The following ETS1 variants were observed in gnomAD, a reference collection of about 807,000 sequenced individuals.
ETS1 encodes the protein protein C-ets-1.
In ETS1, 15 loss-of-function variants were observed where a neutral mutation model predicts 58.6. That is an observed-to-expected ratio of 0.26 (90% CI 0.17 to 0.39). ETS1 has a LOEUF of 0.39. ETS1 is among the 10% of genes least tolerant of loss of function. ETS1 has a pLI of 1.00. For missense variants in ETS1, 417 were observed against 610.5 expected (o/e 0.68, Z 3.34); for synonymous variants, 214 against 218.2 (o/e 0.98, Z 0.17).
At chr11:128,470,213 TAGATCAAAAAC>T (rs1211027569) in intron 8 of ETS1, among the ~76,000 whole-genome samples, 2 of 152,238 alleles carry the variant, frequency 1.3e-5, no homozygotes, top group Non-Finnish European at 2.9e-5. Flanking sequence ...TCTTGCATGT[TAGATCAAAAAC>T]GAAAGGAGGA....
rs1041362097 is a variant in ETS1 at position 128,460,288 on chromosome 11, A to C, written c.*2073T>G. The C allele has an allele frequency of 6.5e-6, 1 of 152,814 alleles. No individual in the cohort carries two copies. The highest frequency in any genetic ancestry group is 2.4e-5 in the African/African-American group (1 of 41,434). The allele number at this position is 152,814 out of a possible 1,614,324, so 9.5% of individuals were successfully genotyped here. On this transcript the variant is annotated 3_prime_UTR_variant, in exon 10 of 10. Transcript: ENST00000392668. ...AGGCACCTGCATCCAAAAGATCAAAATAATACAGCTGGGATAATTCTGCCT... is the reference window on the plus strand; with the variant it reads ...AGGCACCTGCATCCAAAAGATCAAACTAATACAGCTGGGATAATTCTGCCT...
chr11:128,585,168 GA>G (rs1289194108), intron 1 of ETS1, among the ~76,000 whole-genome samples: 92 of 8,382 alleles, frequency 0.011, 5 homozygotes, highest in East Asian at 0.047. Context: ...AAGAAAGAAA[GA>G]GAAAGAAAGA....
intron 3 of ETS1, among the ~76,000 whole-genome samples, chr11:128,530,584 T>C (rs753184051): frequency 1.2e-4 from 19 of 152,094 alleles, no homozygotes; most frequent in Non-Finnish European, 2.2e-4. Flanking sequence ...CTCCCCAGAT[T>C]GGGAAACCAT....
At chr11:128,570,430 C>T (rs1864603203) in intron 2 of ETS1, among the ~76,000 whole-genome samples, 1 of 151,926 alleles carries the variant, frequency 6.6e-6, no homozygotes, top group Non-Finnish European at 1.5e-5. Context: ...TTAGCAGAGA[C>T]TGGGTTTCAT....
chr11:128,484,797 G>A lies in ETS1; in HGVS notation c.862+26C>T, dbSNP rs148705924. ...TCAGGTAATTCTTGTAAACCCAAGA[G>A]CTTTTAGAGAAGAAATATGACCTAC... On this transcript the variant is annotated intron_variant, in intron 7 of 9. Transcript: ENST00000392668. The A allele has an allele frequency of 1.7e-5, 28 of 1,600,404 alleles. No individual in the cohort carries two copies. In the Middle Eastern group the frequency reaches 6.7e-4, roughly 38 times the overall value.
chr11:128,532,005 G>A (rs1863905300), intron 3 of ETS1, among the ~76,000 whole-genome samples: 1 of 152,152 alleles, frequency 6.6e-6, no homozygotes, highest in South Asian at 2.1e-4. Context: ...CCAGCCAACA[G>A]TTCTTGTTGT....
chr11:128,494,925 C>T (rs572842295), intron 3 of ETS1, among the ~76,000 whole-genome samples: 48 of 152,262 alleles, frequency 3.2e-4, no homozygotes, highest in East Asian at 1.7e-3. Flanking sequence ...GGGCCCAACC[C>T]CATCAGATTA....
chr11:128,517,497 C>T (rs1863556724), intron 3 of ETS1, among the ~76,000 whole-genome samples: 1 of 152,222 alleles, frequency 6.6e-6, no homozygotes, highest in Non-Finnish European at 1.5e-5. Flanking sequence ...TTTTATCTGG[C>T]TGTGCCCAGC....
intron 3 of ETS1, among the ~76,000 whole-genome samples, chr11:128,500,425 C>CA (rs1460536825): frequency 6.6e-6 from 1 of 151,668 alleles, no homozygotes; most frequent in South Asian, 2.1e-4. Flanking sequence ...ATTTTTAAAC[C>CA]AAAAAAGGAC....
At chr11:128,513,545 C>T (rs529117661) in intron 3 of ETS1, among the ~76,000 whole-genome samples, 1 of 152,278 alleles carries the variant, frequency 6.6e-6, no homozygotes, top group South Asian at 2.1e-4. Context: ...GTAAGGTCTT[C>T]CTTATCATCT....
At chr11:128,489,214 C>T (rs1862726877) in intron 5 of ETS1, 76 bp downstream of exon 5, 1 of 1,282,214 alleles carries the variant, frequency 7.8e-7, no homozygotes, top group Admixed American at 1.7e-5. Flanking sequence ...TGACGTCCCA[C>T]CATTGGGTGA....
chr11:128,579,810 C>A (rs1294313171), intron 1 of ETS1, among the ~76,000 whole-genome samples: 1 of 152,056 alleles, frequency 6.6e-6, no homozygotes, highest in Non-Finnish European at 1.5e-5. Context: ...GTTTTAATTT[C>A]TTTTTTCTGA....
At chr11:128,483,213 G>T (rs1294906335) in intron 7 of ETS1, among the ~76,000 whole-genome samples, 1 of 152,196 alleles carries the variant, frequency 6.6e-6, no homozygotes, top group African/African-American at 2.4e-5. Flanking sequence ...CCTTGTAAGG[G>T]TCACTTTTGG....
rs1861840061 is a variant in ETS1 at position 128,459,102 on chromosome 11, T to G, written c.*3259A>C. On this transcript the variant is annotated 3_prime_UTR_variant, in exon 10 of 10. Coordinates refer to ENST00000392668, the MANE Select transcript of ETS1 (RefSeq NM_001143820.2). ...AGTCAAACACAATATAACATCTTTT[T>G]CATCCCTATACTTCTCAGCTTAAAA... is the stretch of plus-strand genomic sequence containing the variant. The G allele has an allele frequency of 6.6e-6, 1 of 151,632 alleles. No individual in the cohort carries two copies. Among genetic ancestry groups the G allele is most frequent in the Non-Finnish European group, 1.5e-5 (1 of 67,830 alleles). 9.4% of individuals were successfully genotyped at this position (151,632 alleles called of 1,614,324 possible).
chr11:128,523,565 A>C (rs1213132877), intron 3 of ETS1, among the ~76,000 whole-genome samples: 1 of 152,192 alleles, frequency 6.6e-6, no homozygotes, highest in East Asian at 1.9e-4. Context: ...TGCCTCTGGT[A>C]AGTTTTGACA....
chr11:128,473,864 C>G (rs1301462555), intron 8 of ETS1, among the ~76,000 whole-genome samples: 1 of 152,224 alleles, frequency 6.6e-6, no homozygotes, highest in African/African-American at 2.4e-5. Flanking sequence ...CAGGGCCTTT[C>G]CCAACAGAGG....
At chr11:128,575,888 G>GCTT in intron 1 of ETS1, among the ~76,000 whole-genome samples, 2 of 152,262 alleles carry the variant, frequency 1.3e-5, no homozygotes, top group East Asian at 3.9e-4. Flanking sequence ...TTTGGAATTG[G>GCTT]CAGCCACATC....
chr11:128,469,264 C>T (rs758334284), intron 8 of ETS1, among the ~76,000 whole-genome samples: 37 of 152,332 alleles, frequency 2.4e-4, no homozygotes, highest in African/African-American at 3.1e-4. Context: ...ACCTATGAAA[C>T]TCTCATGGTT....
chr11:128,484,617 C>T (rs988788786), intron 7 of ETS1, among the ~76,000 whole-genome samples: 18 of 151,904 alleles, frequency 1.2e-4, no homozygotes, highest in Non-Finnish European at 2.4e-4. Context: ...CACTGTGGAC[C>T]CCATGGCCTT....
Sources: gnomAD v4.1 joint callset for allele counts (sites outside exome capture counted in the v4.1 genomes callset) on GRCh38, gnomAD v4.1.1 for gene constraint, MANE v1.5 for transcripts, NCBI Gene and HGNC (gene_info 2026-07-23, HGNC 2026-07-21) for gene names.